The following AGL variants were observed in gnomAD, a reference collection of about 807,000 sequenced individuals.
The protein encoded by AGL is amylo-alpha-1,6-glucosidase and 4-alpha-glucanotransferase, also known as glycogen debranching enzyme.
Under a neutral mutation model 199.3 loss-of-function variants are expected in AGL, and 128 were observed. The ratio of observed to expected loss-of-function variants is 0.64; its 90% confidence interval spans 0.56 to 0.74. AGL has a LOEUF of 0.74. Among genes scored for constraint, AGL ranks in the 30% least tolerant of loss-of-function variants. The probability of loss-of-function intolerance (pLI) is 0.00; values close to 1 mark genes in which losing one functional copy is unlikely to be tolerated. For synonymous variants in AGL, 584 were observed against 594.7 expected, an observed-to-expected ratio of 0.98 and a Z score of 0.26; for missense variants, 1,809 against 1,820.8, an observed-to-expected ratio of 0.99 and a Z score of 0.12.
chr1:99,857,009 G>C (rs1649536934), intron 2 of AGL, among the ~76,000 whole-genome samples: 1 of 151,518 alleles, frequency 6.6e-6, no homozygotes, highest in African/African-American at 2.4e-5. Context: ...CTTCCCAGTA[G>C]GGGCGGCCAG....
At chr1:99,902,147 A>T (rs1653892535) in intron 26 of AGL, among the ~76,000 whole-genome samples, 1 of 152,132 alleles carries the variant, frequency 6.6e-6, no homozygotes, top group South Asian at 2.1e-4. Flanking sequence ...TAAAAATATA[A>T]TTGTATATTT....
At position 99,913,658 on chromosome 1, in the gene AGL, A is replaced by C. The variant is rs1397039239; in HGVS notation, c.4081A>C (p.Ile1361Leu). Residue 1361 changes from isoleucine to leucine, a missense_variant, in exon 30 of 34, where the codon ATA (isoleucine) becomes CTA (leucine). Ile to Leu is a conservative substitution (Grantham distance 5). Transcript: ENST00000361915. ...TCCAAATCTGGTTCACAAACGTGGC[A>C]TATACAAAGATAGTTATGGAGCTTC... ...KHPNLVHKRG[I>L]YKDSYGASSP... is the part of the protein sequence containing the mutation. The C allele has an allele frequency of 6.2e-7, 1 of 1,614,138 alleles. No individual in the cohort carries two copies. Among genetic ancestry groups the C allele is most frequent in the East Asian group, 2.2e-5 (1 of 44,858 alleles).
intron 2 of AGL, among the ~76,000 whole-genome samples, chr1:99,851,504 A>G (rs1557737785): frequency 6.6e-6 from 1 of 152,218 alleles, no homozygotes; most frequent in African/African-American, 2.4e-5. Context: ...TTGCCTTTGT[A>G]TAACTGTCTC....
At chr1:99,900,319 T>C (rs1557779591) in intron 25 of AGL, among the ~76,000 whole-genome samples, 1 of 152,198 alleles carries the variant, frequency 6.6e-6, no homozygotes, top group Non-Finnish European at 1.5e-5. Context: ...GATTTTGAAA[T>C]ACCATAGACT....
chr1:99,886,018 T>C (rs1652423222), intron 20 of AGL, among the ~76,000 whole-genome samples: 1 of 152,134 alleles, frequency 6.6e-6, no homozygotes, highest in South Asian at 2.1e-4. Flanking sequence ...ACTGCCAAAT[T>C]TTCTCCAGAA....
At chr1:99,909,197 G>A (rs1654548510) in intron 27 of AGL, among the ~76,000 whole-genome samples, 2 of 151,934 alleles carry the variant, frequency 1.3e-5, no homozygotes, top group South Asian at 4.2e-4. Flanking sequence ...CACTGGGGGT[G>A]GAAGTCTATA....
chr1:99,914,971 T>C (rs1295346260), intron 30 of AGL, among the ~76,000 whole-genome samples: 1 of 152,154 alleles, frequency 6.6e-6, no homozygotes, highest in African/African-American at 2.4e-5. Flanking sequence ...TCCCAGCTGC[T>C]CAAGAGGCTA....
intron 31 of AGL, among the ~76,000 whole-genome samples, chr1:99,915,743 C>G (rs1655068195): frequency 6.6e-6 from 1 of 151,810 alleles, no homozygotes; most frequent in Admixed American, 6.6e-5. Flanking sequence ...TGCACTCCAG[C>G]CTGCTTGACA....
upstream of AGL, among the ~76,000 whole-genome samples, chr1:99,849,299 A>T (rs777215461): frequency 6.6e-6 from 1 of 152,068 alleles, no homozygotes; most frequent in Non-Finnish European, 1.5e-5. Context: ...TCATTCCACA[A>T]TAAAGAATGC....
chr1:99,859,354 GT>G (rs3834029), intron 2 of AGL, among the ~76,000 whole-genome samples: 14,368 of 144,398 alleles, frequency 0.1, 1,038 homozygotes, highest in African/African-American at 0.21. Flanking sequence ...TTTTTTCTGT[GT>G]TTTTTTTTTA....
chr1:99,891,147 A>G (rs1247995262), intron 21 of AGL, 73 bp from the exon 22 acceptor site: 2 of 1,586,822 alleles, frequency 1.3e-6, no homozygotes, highest in Non-Finnish European at 1.7e-6. Flanking sequence ...AGACTAGCAG[A>G]ATAGGGACTA....
rs758909395 is a variant in AGL, at chr1:99,892,574, G to A, written c.3226G>A (p.Glu1076Lys). 3.7e-6 allele frequency: 6 copies of A among 1,613,396 alleles called. No homozygotes were observed. The highest frequency in any genetic ancestry group is 4.2e-6 in the Non-Finnish European group (5 of 1,179,664). Reference protein sequence around the residue: ...VPYRLNEITKEKEQCCVSLAA... With the variant: ...VPYRLNEITKKKEQCCVSLAA... Reference sequence around the variant, plus strand: ...TTATAGGTTAAATGAGATCACAAAAGAAAAGGAGCAATGTTGTGTTTCTCT... The same window carrying A: ...TTATAGGTTAAATGAGATCACAAAAAAAAAGGAGCAATGTTGTGTTTCTCT... Residue 1076 changes from glutamate (E) to lysine (K), a missense_variant, in exon 24 of 34, where the codon GAA (glutamate) becomes AAA (lysine). Physicochemically the swap from Glu to Lys is moderately conservative, Grantham distance 56. Transcript: ENST00000361915.
chr1:99,857,677 C>T (rs1475722094), intron 2 of AGL, among the ~76,000 whole-genome samples: 4 of 150,928 alleles, frequency 2.7e-5, no homozygotes, highest in Non-Finnish European at 5.9e-5. Context: ...TCAGGCGTGG[C>T]GGCGCGCGCC....
At chr1:99,858,880 AT>A (rs1404606152) in intron 2 of AGL, among the ~76,000 whole-genome samples, 1 of 151,846 alleles carries the variant, frequency 6.6e-6, no homozygotes, top group Non-Finnish European at 1.5e-5. Context: ...TAACTTTTAT[AT>A]TTTATAATTT....
chr1:99,905,201 TG>T (rs941154051), intron 27 of AGL, among the ~76,000 whole-genome samples: 4 of 146,360 alleles, frequency 2.7e-5, no homozygotes, highest in African/African-American at 5.0e-5. Flanking sequence ...CTGTGTGTGG[TG>T]GGGGGGTGGG....
Position 99,852,496 on chromosome 1 carries a change from A to T in AGL, c.82+1372A>T. The T allele has an allele frequency of 5.0e-6, 3 of 605,174 alleles. No homozygotes were observed. In the South Asian group the frequency reaches 6.2e-5, roughly 13 times the overall value. The allele number at this position is 605,174 out of a possible 1,614,324, so 37.5% of individuals were successfully genotyped here. ...GCAGTTCTCCTGCCTCAGCCTCCCAAGTAGCTGGGACTGCAGGCATACATC... is the reference window on the plus strand; with the variant it reads ...GCAGTTCTCCTGCCTCAGCCTCCCATGTAGCTGGGACTGCAGGCATACATC... On this transcript the variant is annotated intron_variant, in intron 2 of 33. Coordinates refer to ENST00000361915, the MANE Select transcript of AGL (RefSeq NM_000642.3).
In AGL at chr1:99,876,502, A is replaced by G; in HGVS notation, c.1328A>G (p.Glu443Gly). ...PFEEIDFSME[E>G]SMIHLPNKAC... is the part of the protein sequence containing the mutation. ...GAAGAGATAGACTTCTCCATGGAAG[A>G]ATCTATGATTCATCTGCCAAATAAA... Residue 443 changes from glutamate to glycine, a missense_variant, in exon 11 of 34, where the codon GAA becomes GGA. Physicochemically the swap from Glu to Gly is moderately conservative, Grantham distance 98. Coordinates refer to ENST00000361915, the MANE Select transcript of AGL (RefSeq NM_000642.3). 6.2e-7 allele frequency: 1 copy of G among 1,611,544 alleles called. No individual in the cohort carries two copies. Among genetic ancestry groups the G allele is most frequent in the East Asian group, 2.2e-5 (1 of 44,840 alleles).
intron 24 of AGL, among the ~76,000 whole-genome samples, chr1:99,894,796 A>G (rs892057916): frequency 6.6e-6 from 1 of 152,128 alleles, no homozygotes; most frequent in Non-Finnish European, 1.5e-5. Flanking sequence ...CAGTCATCAA[A>G]TATTTATAGG....
chr1:99,897,950 G>T (rs1653464591), intron 25 of AGL, among the ~76,000 whole-genome samples: 1 of 152,020 alleles, frequency 6.6e-6, no homozygotes, highest in Admixed American at 6.5e-5. Flanking sequence ...TCACAAATTT[G>T]TGCTGCTTAA....
Sources: gnomAD v4.1 joint callset for allele counts (sites outside exome capture counted in the v4.1 genomes callset) on GRCh38, gnomAD v4.1.1 for gene constraint, MANE v1.5 for transcripts, NCBI Gene and HGNC (gene_info 2026-07-23, HGNC 2026-07-21) for gene names.